Variants in CDK6 observed in about 807,000 individuals in gnomAD.
The protein encoded by CDK6 is cyclin-dependent kinase 6.
CDK6 carries 6 observed loss-of-function variants against 37.1 expected under a neutral mutation model. The ratio of observed to expected loss-of-function variants is 0.16; its 90% CI spans 0.09 to 0.32. CDK6 has a LOEUF of 0.32. CDK6 is among the 10% of genes least tolerant of loss of function. CDK6 has a pLI of 1.00. For missense variants in CDK6, 224 were observed against 418.9 expected, an observed-to-expected ratio of 0.53 and a Z score of 4.06; for synonymous variants, 160 against 161.3, an observed-to-expected ratio of 0.99 and a Z score of 0.06.
chr7:92,672,281 C>T (rs1296590267), intron 4 of CDK6, among the ~76,000 whole-genome samples: 2 of 145,956 alleles, frequency 1.4e-5, no homozygotes, highest in Non-Finnish European at 1.5e-5. Context: ...GATGGTGTCC[C>T]TGAAGTCTAC....
At chr7:92,765,990 G>C (rs1799570281) in intron 3 of CDK6, among the ~76,000 whole-genome samples, 1 of 152,116 alleles carries the variant, frequency 6.6e-6, no homozygotes, top group South Asian at 2.1e-4. Context: ...TGGAGGAACA[G>C]AAAGAAGGCC....
At chr7:92,705,572 C>T (rs1262541507) in intron 4 of CDK6, among the ~76,000 whole-genome samples, 2 of 152,118 alleles carry the variant, frequency 1.3e-5, no homozygotes, top group Admixed American at 6.6e-5. Context: ...TGTGGGCATT[C>T]AGAGCAGGAA....
At chr7:92,652,659 T>C (rs1383596109) in intron 5 of CDK6, among the ~76,000 whole-genome samples, 1 of 152,178 alleles carries the variant, frequency 6.6e-6, no homozygotes, top group Non-Finnish European at 1.5e-5. Context: ...AAAAATATAC[T>C]AACCCAACCA....
At chr7:92,738,083 T>C (rs940226345) in intron 3 of CDK6, among the ~76,000 whole-genome samples, 6 of 152,194 alleles carry the variant, frequency 3.9e-5, no homozygotes, top group African/African-American at 1.2e-4. Context: ...GACTGACTTT[T>C]TAAACTGAAG....
chr7:92,809,835 A>G (rs1027962262), intron 2 of CDK6, among the ~76,000 whole-genome samples: 23 of 152,248 alleles, frequency 1.5e-4, no homozygotes, highest in Admixed American at 6.5e-5. Context: ...AGGTCATTCG[A>G]TATCATTAGC....
intron 4 of CDK6, among the ~76,000 whole-genome samples, chr7:92,675,072 G>A (rs1443733248): frequency 6.6e-6 from 1 of 152,162 alleles, no homozygotes; most frequent in Non-Finnish European, 1.5e-5. Context: ...GGCCTCAGGT[G>A]ATCTGCCCAC....
chr7:92,835,326 T>C lies in CDK6; in HGVS notation c.-368+1152A>G, dbSNP rs974424903. ...CCCGGGCTCCGCAGCGAAGGAAGCGTCGGGGACGTCCCACCCCCGCAGGGA... is the reference window on the plus strand; with the variant it reads ...CCCGGGCTCCGCAGCGAAGGAAGCGCCGGGGACGTCCCACCCCCGCAGGGA... On this transcript the variant is annotated intron_variant, in intron 1 of 7. Coordinates refer to ENST00000424848, the MANE Select transcript of CDK6 (RefSeq NM_001145306.2). The surrounding 1 kb of genome is among the most constrained non-coding windows in gnomAD (Gnocchi z 4.2). The C allele has an allele frequency of 7.6e-5, 10 of 131,208 alleles. No homozygotes were observed. Among genetic ancestry groups the C allele is most frequent in the African/African-American group, 2.9e-4 (10 of 34,432 alleles). The allele number at this position is 131,208 out of a possible 1,614,324, so 8.1% of individuals were successfully genotyped here.
chr7:92,816,879 A>G (rs1199841369), intron 2 of CDK6, among the ~76,000 whole-genome samples: 1 of 152,028 alleles, frequency 6.6e-6, no homozygotes, highest in Non-Finnish European at 1.5e-5. Context: ...GGACATCACT[A>G]CATATTCTAC....
rs577340558 is a variant in CDK6 at position 92,715,364 on chromosome 7, G to A, written c.537+10262C>T. Among the ~76,000 whole-genome samples, 3 of 152,184 alleles carry A rather than the reference G, an allele frequency of 2.0e-5. No individual in the cohort carries two copies. In the South Asian group the frequency reaches 6.2e-4, roughly 32 times the overall value. On this transcript the variant is annotated intron_variant, in intron 4 of 7. Transcript: ENST00000424848. ...ACAGCCCCATTTTTAGATTCTGCCAGCCTTCAAAATAAATATATGAGCAGC... is the reference window on the plus strand; with the variant it reads ...ACAGCCCCATTTTTAGATTCTGCCAACCTTCAAAATAAATATATGAGCAGC...
intron 4 of CDK6, among the ~76,000 whole-genome samples, chr7:92,697,525 A>T (rs747813584): frequency 1.3e-5 from 2 of 152,208 alleles, no homozygotes; most frequent in Non-Finnish European, 2.9e-5. Context: ...CAGTAGTCCC[A>T]CAACTAGCCA....
chr7:92,649,584 T>C (rs917441308), intron 5 of CDK6, among the ~76,000 whole-genome samples: 2 of 152,248 alleles, frequency 1.3e-5, no homozygotes, highest in African/African-American at 4.8e-5. Context: ...CCAATTGATG[T>C]GCTACAATGC....
chr7:92,639,112 A>C (rs1362186534), intron 5 of CDK6, among the ~76,000 whole-genome samples: 3 of 152,176 alleles, frequency 2.0e-5, no homozygotes, highest in Non-Finnish European at 4.4e-5. Flanking sequence ...GATTTACTGA[A>C]AATATTTTCT....
intron 3 of CDK6, among the ~76,000 whole-genome samples, chr7:92,757,672 G>A (rs1172846844): frequency 1.3e-5 from 2 of 152,214 alleles, no homozygotes; most frequent in Non-Finnish European, 2.9e-5. Flanking sequence ...TATACACCCA[G>A]TAAAGGGATT....
At position 92,753,614 on chromosome 7, in the gene CDK6, T is replaced by A. The variant is rs567852399; in HGVS notation, c.369+21082A>T. Among the ~76,000 whole-genome samples, 26 of 151,000 alleles carry A rather than the reference T, an allele frequency of 1.7e-4. No individual in the cohort carries two copies. In the South Asian group the frequency reaches 5.1e-3, roughly 29 times the overall value. ...TTCAAGCGATTCTCCTGCCTCAGCC[T>A]CCCGAGTAGCTGGGATTACAGGTGC... On this transcript the variant is annotated intron_variant, in intron 3 of 7. Transcript: ENST00000424848.
chr7:92,775,037 G>A (rs1011842523), intron 2 of CDK6, among the ~76,000 whole-genome samples: 9 of 152,142 alleles, frequency 5.9e-5, no homozygotes, highest in African/African-American at 1.2e-4. Context: ...CAGAGTGTGC[G>A]GTTAAGCATG....
intron 4 of CDK6, among the ~76,000 whole-genome samples, chr7:92,677,719 C>T (rs1249627989): frequency 4.6e-5 from 7 of 152,210 alleles, no homozygotes; most frequent in African/African-American, 1.7e-4. Context: ...AGAGCATCCC[C>T]AGTTTTAATT....
At position 92,610,421 on chromosome 7, in the gene CDK6, C is replaced by T. The variant is rs1323701908; in HGVS notation, c.*4719G>A. 4.3e-6 allele frequency: 1 copy of T among 231,322 alleles called. No homozygotes were observed. Among genetic ancestry groups the T allele is most frequent in the Non-Finnish European group, 8.5e-6 (1 of 116,992 alleles). 14.3% of individuals were successfully genotyped at this position (231,322 alleles called of 1,614,324 possible). A position where few individuals can be genotyped will look rare whatever the true frequency, so the allele number is the denominator to read the frequency against. On this transcript the variant is annotated 3_prime_UTR_variant, in exon 8 of 8. Coordinates refer to ENST00000424848, the MANE Select transcript of CDK6 (RefSeq NM_001145306.2). ...ACTTCATTAAGAAAATAAAAATCCC[C>T]AGAAAGGCTACTTGAGAAAAAAACG...
In CDK6 at chr7:92,607,613, AAC is replaced by A. The variant is rs1412385466; in HGVS notation, c.*7525_*7526del. 4 of 232,778 alleles carry A rather than the reference AAC, an allele frequency of 1.7e-5. No homozygotes were observed. The highest frequency in any genetic ancestry group is 3.4e-5 in the Non-Finnish European group (4 of 117,898). 14.4% of individuals were successfully genotyped at this position (232,778 alleles called of 1,614,324 possible). A position where few individuals can be genotyped will look rare whatever the true frequency, so the allele number is the denominator to read the frequency against. ...TAATGAACATTAGATGCAAAATCCT[AAC>A]ACTTTCTGCCTTCAGTTGTACTTTC... is the stretch of plus-strand genomic sequence containing the variant. On this transcript the variant is annotated 3_prime_UTR_variant, in exon 8 of 8. Transcript: ENST00000424848.
chr7:92,679,916 G>A (rs961282678), intron 4 of CDK6, among the ~76,000 whole-genome samples: 1 of 151,346 alleles, frequency 6.6e-6, no homozygotes, highest in Admixed American at 6.6e-5. Flanking sequence ...ACAGAGTTTC[G>A]CCATGTTGCC....
Sources: gnomAD v4.1 joint callset for allele counts (sites outside exome capture counted in the v4.1 genomes callset) on GRCh38, gnomAD v4.1.1 for gene constraint, Gnocchi (gnomAD v3.1) non-coding constraint, MANE v1.5 for transcripts, NCBI Gene and HGNC (gene_info 2026-07-23, HGNC 2026-07-21) for gene names.